Variants in NTM observed in about 807,000 individuals in gnomAD.
The protein encoded by NTM is IgLON family member 2.
In NTM, 13 loss-of-function variants were observed where a neutral mutation model predicts 42.1. The ratio of observed to expected loss-of-function variants is 0.31; its 90% CI spans 0.20 to 0.49. The LOEUF is 0.49. NTM is among the 20% of genes least tolerant of loss of function. The pLI, the probability that NTM is intolerant of heterozygous loss-of-function variation, is 0.99. For missense variants in NTM, 373 were observed against 452.8 expected (o/e 0.82, Z 1.60); for synonymous variants, 187 against 179.2 (o/e 1.04, Z -0.35).
intron 1 of NTM, among the ~76,000 whole-genome samples, chr11:131,653,785 G>A (rs2066818068): frequency 6.6e-6 from 1 of 152,226 alleles, no homozygotes; most frequent in African/African-American, 2.4e-5. Flanking sequence ...TTTCTAGGCT[G>A]TCCTTTGGAG....
chr11:132,288,777 G>A lies in NTM; in HGVS notation c.527-18912G>A, dbSNP rs535210449. On this transcript the variant is annotated intron_variant, in intron 4 of 8. Transcript: ENST00000683400. ...TGGGATTACAGGCGCCCACCACCAC[G>A]CCCAGCTAATTTTTTGTATTTTTAG... Among the ~76,000 whole-genome samples, 44 of 152,020 alleles carry A rather than the reference G, an allele frequency of 2.9e-4. No individual in the cohort carries two copies. In the South Asian group the frequency reaches 5.6e-3, roughly 19 times the overall value.
intron 1 of NTM, among the ~76,000 whole-genome samples, chr11:131,449,318 G>A (rs1045225286): frequency 1.3e-5 from 2 of 152,180 alleles, no homozygotes; most frequent in African/African-American, 4.8e-5. Flanking sequence ...TCACTCAGGT[G>A]GACTCCCACA....
At chr11:132,228,853 AG>A (rs2086862722) in intron 4 of NTM, among the ~76,000 whole-genome samples, 1 of 152,112 alleles carries the variant, frequency 6.6e-6, no homozygotes, top group South Asian at 2.1e-4. Flanking sequence ...TCAGTAGAGT[AG>A]CACTGCTCAT....
At chr11:132,294,786 G>T (rs1296582073) in intron 4 of NTM, among the ~76,000 whole-genome samples, 2 of 152,156 alleles carry the variant, frequency 1.3e-5, no homozygotes, top group Non-Finnish European at 2.9e-5. Context: ...CTCACTCCTT[G>T]CAATCATTCC....
chr11:131,389,024 A>AAAAAAAAAAAAGAAAAGAAAAG (rs774146196), intron 1 of NTM, among the ~76,000 whole-genome samples: 23 of 89,898 alleles, frequency 2.6e-4, no homozygotes, highest in African/African-American at 5.6e-4. Flanking sequence ...AAAAAAAAAA[A>AAAAAAAAAAAAGAAAAGAAAAG]AAAAGAAAAG....
chr11:131,449,840 A>C (rs1253857375), intron 1 of NTM, among the ~76,000 whole-genome samples: 1 of 152,130 alleles, frequency 6.6e-6, no homozygotes, highest in East Asian at 1.9e-4. Flanking sequence ...AACAGGCTCC[A>C]CTGTCAACCC....
intron 4 of NTM, among the ~76,000 whole-genome samples, chr11:132,238,670 G>T (rs2089587171): frequency 6.6e-6 from 1 of 152,104 alleles, no homozygotes; most frequent in African/African-American, 2.4e-5. Flanking sequence ...ATTGCCTTAG[G>T]TGAAACGCAG....
At chr11:132,031,998 T>C (rs2075985107) in intron 2 of NTM, among the ~76,000 whole-genome samples, 1 of 152,164 alleles carries the variant, frequency 6.6e-6, no homozygotes, top group African/African-American at 2.4e-5. Context: ...CTTTCTTTAT[T>C]TTTATTAATT....
intron 1 of NTM, chr11:131,539,399 T>C (rs1163867252): frequency 3.3e-5 from 5 of 152,272 alleles, no homozygotes; most frequent in African/African-American, 9.7e-5. Flanking sequence ...TGAATGGGGA[T>C]GAACGCTTGT....
intron 1 of NTM, among the ~76,000 whole-genome samples, chr11:131,865,931 TCCCACA>T: frequency 1.3e-5 from 1 of 78,168 alleles, no homozygotes; most frequent in African/African-American, 5.0e-5. Flanking sequence ...CACACACACC[TCCCACA>T]CTCACACATG....
chr11:131,789,911 G>C (rs566605321), intron 1 of NTM, among the ~76,000 whole-genome samples: 126 of 136,412 alleles, frequency 9.2e-4, no homozygotes, highest in African/African-American at 1.7e-3. Context: ...AGCCGAGATC[G>C]CGCCACTGCA....
At chr11:131,838,763 A>G (rs946497012) in intron 1 of NTM, among the ~76,000 whole-genome samples, 3 of 152,208 alleles carry the variant, frequency 2.0e-5, no homozygotes, top group Non-Finnish European at 4.4e-5. Context: ...AATATAAACT[A>G]TAGAATAAGA....
chr11:131,372,935 G>T (rs1050317574), intron 1 of NTM, among the ~76,000 whole-genome samples: 2 of 152,084 alleles, frequency 1.3e-5, no homozygotes, highest in Non-Finnish European at 2.9e-5. Flanking sequence ...CCTAACTTGG[G>T]GTAGGGGTGG....
intron 2 of NTM, among the ~76,000 whole-genome samples, chr11:132,123,011 C>T (rs988413159): frequency 1.3e-5 from 2 of 152,158 alleles, no homozygotes; most frequent in Non-Finnish European, 2.9e-5. Flanking sequence ...TTTCCTCATG[C>T]TCCCCCTGGC....
chr11:131,500,226 ACTCAAG>A (rs2046571167), intron 1 of NTM, among the ~76,000 whole-genome samples: 1 of 152,130 alleles, frequency 6.6e-6, no homozygotes, highest in South Asian at 2.1e-4. Flanking sequence ...AAGTACGCGG[ACTCAAG>A]CTCAGAGCAG....
intron 2 of NTM, among the ~76,000 whole-genome samples, chr11:132,129,738 T>G (rs2066487575): frequency 6.6e-6 from 1 of 152,184 alleles, no homozygotes; most frequent in African/African-American, 2.4e-5. Flanking sequence ...CATTTCAAAA[T>G]GGGGCTCCTA....
At chr11:132,056,546 A>C (rs912143489) in intron 2 of NTM, among the ~76,000 whole-genome samples, 1 of 152,258 alleles carries the variant, frequency 6.6e-6, no homozygotes, top group African/African-American at 2.4e-5. Flanking sequence ...ATTTAGGATG[A>C]GGCAATGAAT....
intron 1 of NTM, among the ~76,000 whole-genome samples, chr11:131,386,474 AC>A (rs1943329271): frequency 6.6e-6 from 1 of 152,266 alleles, no homozygotes; most frequent in Non-Finnish European, 1.5e-5. Flanking sequence ...TGCGTATTTT[AC>A]TAGAATAGAC....
At chr11:131,974,384 T>A (rs2064005519) in intron 2 of NTM, among the ~76,000 whole-genome samples, 1 of 152,100 alleles carries the variant, frequency 6.6e-6, no homozygotes, top group Non-Finnish European at 1.5e-5. Flanking sequence ...AAGATAGGAG[T>A]CCTTTTGCAT....
Sources: gnomAD v4.1 joint callset for allele counts (sites outside exome capture counted in the v4.1 genomes callset) on GRCh38, gnomAD v4.1.1 for gene constraint, MANE v1.5 for transcripts, NCBI Gene and HGNC (gene_info 2026-07-23, HGNC 2026-07-21) for gene names.